CD44: variants seen among roughly 807,000 people sequenced by gnomAD.
CD44 encodes CD44 molecule (IN blood group), also known as CD44 antigen.
A neutral mutation model predicts 88.8 loss-of-function variants in CD44; 49 were observed. That is an observed-to-expected ratio of 0.55 (90% CI 0.44 to 0.70). CD44 has a LOEUF of 0.70. Ranked by LOEUF, CD44 falls within the 30% of genes least tolerant of loss-of-function variation. CD44 has a pLI of 0.00. For synonymous variants in CD44, 325 were observed against 312.3 expected (o/e 1.04, Z -0.43); for missense variants, 883 against 913.8 (o/e 0.97, Z 0.43).
chr11:35,188,585 G>T (rs1945935189), intron 4 of CD44, among the ~76,000 whole-genome samples: 1 of 152,006 alleles, frequency 6.6e-6, no homozygotes, highest in Admixed American at 6.5e-5. Context: ...ATCCTCACCT[G>T]CAGAGATTAC....
At chr11:35,177,819 A>G (rs1306286917) in intron 2 of CD44, among the ~76,000 whole-genome samples, 1 of 152,222 alleles carries the variant, frequency 6.6e-6, no homozygotes, top group African/African-American at 2.4e-5. Flanking sequence ...CACTTAAACT[A>G]ATTAAAATAC....
chr11:35,152,362 G>A (rs1860485191), intron 1 of CD44, among the ~76,000 whole-genome samples: 1 of 152,186 alleles, frequency 6.6e-6, no homozygotes, highest in African/African-American at 2.4e-5. Flanking sequence ...ATAAACAAAA[G>A]GCTCCATCAA....
chr11:35,194,386 G>A (rs978006490), intron 5 of CD44, among the ~76,000 whole-genome samples: 4 of 152,138 alleles, frequency 2.6e-5, no homozygotes, highest in African/African-American at 7.2e-5. Flanking sequence ...TTTGTAGAGG[G>A]AATATCACTA....
intron 4 of CD44, among the ~76,000 whole-genome samples, chr11:35,189,246 T>G (rs1946029046): frequency 6.6e-6 from 1 of 152,226 alleles, no homozygotes; most frequent in Non-Finnish European, 1.5e-5. Context: ...TATTTAGACC[T>G]GCTGGTTTCC....
intron 3 of CD44, among the ~76,000 whole-genome samples, chr11:35,186,065 C>A (rs950308638): frequency 2.6e-5 from 4 of 151,758 alleles, no homozygotes; most frequent in Admixed American, 6.6e-5. Context: ...AAAAAAAAAA[C>A]CAGAAATGCC....
At chr11:35,168,758 C>A (rs1943568071) in intron 1 of CD44, among the ~76,000 whole-genome samples, 1 of 152,168 alleles carries the variant, frequency 6.6e-6, no homozygotes, top group Admixed American at 6.5e-5. Context: ...ACTGACAGTG[C>A]CCTCTCTTTG....
In CD44 at chr11:35,196,995, A is replaced by G. The variant is rs142396039; in HGVS notation, c.796+121A>G. On this transcript the variant is annotated intron_variant, in intron 6 of 17. Coordinates refer to ENST00000428726, the MANE Select transcript of CD44 (RefSeq NM_000610.4). ...TCTATTCTCACAAATTTTCGTTATG[A>G]CTTCAGAAGGATCATTAACTCTGGT... is the stretch of plus-strand genomic sequence containing the variant. 965 of 969,686 alleles carry G rather than the reference A, an allele frequency of 1.0e-3. 4 individuals are homozygous for G. The African/African-American group carries it at 0.011, about 11-fold the overall frequency. 60.1% of individuals were successfully genotyped at this position (969,686 alleles called of 1,614,324 possible). A position where few individuals can be genotyped will look rare whatever the true frequency, so the allele number is the denominator to read the frequency against.
intron 3 of CD44, among the ~76,000 whole-genome samples, chr11:35,184,319 G>A (rs755603094): frequency 6.6e-6 from 1 of 152,176 alleles, no homozygotes; most frequent in Admixed American, 6.5e-5. Context: ...CTTAGGGTTT[G>A]TGACATCATG....
At chr11:35,222,284 T>C (rs1949362783) in intron 17 of CD44, 4 of 587,186 alleles carry the variant, frequency 6.8e-6, no homozygotes, top group African/African-American at 5.8e-5. Flanking sequence ...CTTGTGCTTT[T>C]GTTTGTCGTT....
intron 1 of CD44, among the ~76,000 whole-genome samples, chr11:35,158,257 G>A (rs1216881496): frequency 6.6e-6 from 1 of 152,156 alleles, no homozygotes; most frequent in Non-Finnish European, 1.5e-5. Context: ...CCAAAGGCCG[G>A]AATTGAGAAG....
chr11:35,184,313 G>A (rs1945441290), intron 3 of CD44, among the ~76,000 whole-genome samples: 1 of 152,162 alleles, frequency 6.6e-6, no homozygotes, highest in African/African-American at 2.4e-5. Flanking sequence ...AACTGTCTTA[G>A]GGTTTGTGAC....
intron 1 of CD44, among the ~76,000 whole-genome samples, chr11:35,154,059 G>A (rs1941534008): frequency 6.6e-6 from 1 of 152,322 alleles, no homozygotes; most frequent in East Asian, 1.9e-4. Context: ...CACATTTGGG[G>A]AGAAGGGAAA....
chr11:35,209,760 T>G (rs1554973118), intron 12 of CD44, among the ~76,000 whole-genome samples: 1 of 152,204 alleles, frequency 6.6e-6, no homozygotes, highest in Non-Finnish European at 1.5e-5. Flanking sequence ...TACTGAGAAA[T>G]AAAGGGTCTT....
chr11:35,188,615 AT>A (rs984260948), intron 4 of CD44, among the ~76,000 whole-genome samples: 18 of 150,028 alleles, frequency 1.2e-4, no homozygotes, highest in South Asian at 2.1e-4. Context: ...TGAGACCTTG[AT>A]TTTTTTTTTC....
At chr11:35,226,589 C>G (rs1393861188) in intron 17 of CD44, among the ~76,000 whole-genome samples, 1 of 152,188 alleles carries the variant, frequency 6.6e-6, no homozygotes, top group East Asian at 1.9e-4. Context: ...GCTCCAGATA[C>G]TGTTCTAAGT....
chr11:35,193,354 T>A (rs2133935610), intron 5 of CD44, among the ~76,000 whole-genome samples: 1 of 152,306 alleles, frequency 6.6e-6, no homozygotes, highest in Non-Finnish European at 1.5e-5. Flanking sequence ...AGGCTACGGG[T>A]TGGACAAGCT....
chr11:35,211,237 T>C lies in CD44; in HGVS notation c.1607-9T>C. ...ATACGGGTTCATCACTGATTCCACC[T>C]CCACACAGATAGGAATGATGTCACA... On this transcript the variant is annotated splice_polypyrimidine_tract_variant and intron_variant, in intron 13 of 17. Coordinates refer to ENST00000428726, the MANE Select transcript of CD44 (RefSeq NM_000610.4). The C allele has an allele frequency of 1.2e-6, 2 of 1,610,314 alleles. No individual in the cohort carries two copies. Among genetic ancestry groups the C allele is most frequent in the Non-Finnish European group, 1.7e-6 (2 of 1,176,642 alleles).
chr11:35,226,411 C>T (rs1347187342), intron 17 of CD44, among the ~76,000 whole-genome samples: 6 of 152,198 alleles, frequency 3.9e-5, no homozygotes, highest in Non-Finnish European at 8.8e-5. Flanking sequence ...ACACAGGGGC[C>T]AGGGAATTGG....
chr11:35,199,934 G>GTTTTTTTTTT (rs60509735), intron 7 of CD44, among the ~76,000 whole-genome samples: 611 of 90,678 alleles, frequency 6.7e-3, no homozygotes, highest in Middle Eastern at 0.018. Context: ...CCATGGTGTT[G>GTTTTTTTTTT]TTTTTTTTTT....
Sources: gnomAD v4.1 joint callset for allele counts (sites outside exome capture counted in the v4.1 genomes callset) on GRCh38, gnomAD v4.1.1 for gene constraint, MANE v1.5 for transcripts, NCBI Gene and HGNC (gene_info 2026-07-23, HGNC 2026-07-21) for gene names.